ZNF462: variants seen among roughly 807,000 people sequenced by gnomAD.
The protein encoded by ZNF462 is zinc finger protein 462, also known as zinc finger PBX1-interacting protein.
ZNF462 carries 10 observed loss-of-function variants against 201.9 expected under a neutral mutation model. The ratio of observed to expected loss-of-function variants is 0.05; its 90% CI spans 0.03 to 0.08. The LOEUF (loss-of-function observed/expected upper bound fraction) is 0.08, where lower values mean the gene tolerates loss of function less well. Ranked by LOEUF, ZNF462 falls within the 10% of genes least tolerant of loss-of-function variation. The probability of loss-of-function intolerance (pLI) is 1.00; values close to 1 mark genes in which losing one functional copy is unlikely to be tolerated. For synonymous variants in ZNF462, 1,227 were observed against 1,193.3 expected (o/e 1.03, Z -0.58); for missense variants, 2,523 against 3,168.3 (o/e 0.80, Z 4.89).
intron 1 of ZNF462, among the ~76,000 whole-genome samples, chr9:106,914,781 A>C (rs1260866204): frequency 6.6e-6 from 1 of 152,114 alleles, no homozygotes; most frequent in East Asian, 1.9e-4. Context: ...GGTAGAGAGA[A>C]ACTGTGTGTG....
intron 7 of ZNF462, among the ~76,000 whole-genome samples, chr9:106,951,569 C>G (rs1368718132): frequency 6.6e-6 from 1 of 152,200 alleles, no homozygotes; most frequent in Non-Finnish European, 1.5e-5. Flanking sequence ...TCTACTGGGA[C>G]TGGCCATATA....
chr9:106,892,718 A>G (rs1828640830), intron 1 of ZNF462, among the ~76,000 whole-genome samples: 1 of 150,376 alleles, frequency 6.6e-6, no homozygotes. Context: ...ACACACACAC[A>G]CACACACATG....
intron 10 of ZNF462, among the ~76,000 whole-genome samples, chr9:106,985,332 T>G (rs575098094): frequency 6.6e-6 from 1 of 152,098 alleles, no homozygotes; most frequent in African/African-American, 2.4e-5. Flanking sequence ...TTGTAAAATA[T>G]ATGTTTTGGG....
At chr9:106,965,325 A>G (rs1162637306) in intron 7 of ZNF462, among the ~76,000 whole-genome samples, 4 of 151,254 alleles carry the variant, frequency 2.6e-5, no homozygotes, top group African/African-American at 9.8e-5. Context: ...CTCTTGAGCA[A>G]TAGGGCACAC....
chr9:106,976,895 G>A (rs77123571), intron 9 of ZNF462, among the ~76,000 whole-genome samples: 3,356 of 152,246 alleles, frequency 0.022, 138 homozygotes, highest in African/African-American at 0.075. Flanking sequence ...TGTCTAGTAA[G>A]TAATCCAGCT....
chr9:106,932,439 C>T lies in ZNF462; in HGVS notation c.6013-7C>T. The T allele has an allele frequency of 4.3e-6, 7 of 1,614,228 alleles. No homozygotes were observed. Among genetic ancestry groups the T allele is most frequent in the Non-Finnish European group, 5.9e-6 (7 of 1,180,042 alleles). ...GTCAATGTGACAGAGTCCTGATGTC[C>T]ATGCAGGGGCTGCGTTCTCATGAGA... is the stretch of plus-strand genomic sequence containing the variant. On this transcript the variant is annotated splice_region_variant and splice_polypyrimidine_tract_variant and intron_variant, in intron 4 of 12. Coordinates refer to ENST00000277225, the MANE Select transcript of ZNF462 (RefSeq NM_021224.6). This position sits in a 1 kb window ranked among gnomAD's most constrained non-coding sequence, Gnocchi z 6.8.
At position 107,005,849 on chromosome 9, in the gene ZNF462, C is replaced by A. The variant is rs577321017; in HGVS notation, c.7189+2423C>A. 6.6e-6 allele frequency among the ~76,000 whole-genome samples: 1 copy of A among 152,116 alleles called. No homozygotes were observed. Among genetic ancestry groups the A allele is most frequent in the Non-Finnish European group, 1.5e-5 (1 of 68,006 alleles). On this transcript the variant is annotated intron_variant, in intron 11 of 12. Transcript: ENST00000277225. This position sits in a 1 kb window ranked among gnomAD's most constrained non-coding sequence, Gnocchi z 4.4. Reference sequence around the variant, plus strand: ...TTCAAGTTTTTAATTCATTTTGAGACGATTTTTGTATCTGGTGTGAGATAA... The same window carrying A: ...TTCAAGTTTTTAATTCATTTTGAGAAGATTTTTGTATCTGGTGTGAGATAA...
At chr9:106,946,316 C>T (rs1296154479) in intron 7 of ZNF462, among the ~76,000 whole-genome samples, 1 of 152,156 alleles carries the variant, frequency 6.6e-6, no homozygotes, top group Admixed American at 6.5e-5. Context: ...ATATGTCAGT[C>T]ATTAGCTGAA....
At position 106,883,694 on chromosome 9, in the gene ZNF462, C is replaced by T. The variant is rs1021201984; in HGVS notation, c.-31+20339C>T. On this transcript the variant is annotated intron_variant, in intron 1 of 12. Transcript: ENST00000277225. This position sits in a 1 kb window ranked among gnomAD's most constrained non-coding sequence, Gnocchi z 4.9. ...TATTGTAAACAGGGGATTAGTAAAT[C>T]TTTTCCTCTGAAGTTTGGATGCGGT... Among the ~76,000 whole-genome samples the T allele has an allele frequency of 1.3e-5, 2 of 152,200 alleles. No homozygotes were observed. The highest frequency in any genetic ancestry group is 4.8e-5 in the African/African-American group (2 of 41,460).
At chr9:106,866,562 TA>T (rs1213178553) in intron 1 of ZNF462, among the ~76,000 whole-genome samples, 2 of 152,220 alleles carry the variant, frequency 1.3e-5, no homozygotes, top group East Asian at 3.8e-4. Flanking sequence ...TATGCTTATT[TA>T]AAAATACTTC....
chr9:106,938,461 T>C lies in ZNF462; in HGVS notation c.6236-455T>C, dbSNP rs1376546489. Among the ~76,000 whole-genome samples, 2 of 152,198 alleles carry C rather than the reference T, an allele frequency of 1.3e-5. No homozygotes were observed. Among genetic ancestry groups the C allele is most frequent in the African/African-American group, 4.8e-5 (2 of 41,450 alleles). On this transcript the variant is annotated intron_variant, in intron 6 of 12. Coordinates refer to ENST00000277225, the MANE Select transcript of ZNF462 (RefSeq NM_021224.6). This position sits in a 1 kb window ranked among gnomAD's most constrained non-coding sequence, Gnocchi z 4.4. Reference sequence around the variant, plus strand: ...ACAACAGAGCTTGCACTGAATGACTTTGTGATTAAAAAGCCACTAATAGAT... The same window carrying C: ...ACAACAGAGCTTGCACTGAATGACTCTGTGATTAAAAAGCCACTAATAGAT...
chr9:106,946,750 C>A (rs1343323687), intron 7 of ZNF462, among the ~76,000 whole-genome samples: 1 of 152,070 alleles, frequency 6.6e-6, no homozygotes, highest in Admixed American at 6.5e-5. Context: ...AAGAGGATCT[C>A]TTGAGGCCAG....
chr9:106,902,871 C>T lies in ZNF462; in HGVS notation c.-30-20483C>T, dbSNP rs549138318. Among the ~76,000 whole-genome samples, 12 of 152,102 alleles carry T rather than the reference C, an allele frequency of 7.9e-5. No homozygotes were observed. The highest frequency in any genetic ancestry group is 1.9e-4 in the East Asian group (1 of 5,180). On this transcript the variant is annotated intron_variant, in intron 1 of 12. Transcript: ENST00000277225. This position sits in a 1 kb window ranked among gnomAD's most constrained non-coding sequence, Gnocchi z 4.2. ...CAATTTTATTTATCTTCTCAAAGAACCAGCTTTTGTTTCATTTATCTTTTG... is the reference window on the plus strand; with the variant it reads ...CAATTTTATTTATCTTCTCAAAGAATCAGCTTTTGTTTCATTTATCTTTTG...
Position 107,005,122 on chromosome 9 carries a change from A to G in ZNF462, c.7189+1696A>G, listed in dbSNP as rs563001594. Among the ~76,000 whole-genome samples the G allele has an allele frequency of 6.6e-6, 1 of 152,234 alleles. No individual in the cohort carries two copies. Among genetic ancestry groups the G allele is most frequent in the African/African-American group, 2.4e-5 (1 of 41,552 alleles). ...TCTTTATCCATTCATTTATTGATGGACACCTAGCTTGATTACTTATCTTGG... is the reference window on the plus strand; with the variant it reads ...TCTTTATCCATTCATTTATTGATGGGCACCTAGCTTGATTACTTATCTTGG... On this transcript the variant is annotated intron_variant, in intron 11 of 12. Transcript: ENST00000277225. This position sits in a 1 kb window ranked among gnomAD's most constrained non-coding sequence, Gnocchi z 4.4.
At chr9:106,873,847 G>A (rs1055260734) in intron 1 of ZNF462, among the ~76,000 whole-genome samples, 1 of 152,142 alleles carries the variant, frequency 6.6e-6, no homozygotes, top group Non-Finnish European at 1.5e-5. Context: ...ATGGTGGTTG[G>A]ACATTAGTTG....
chr9:106,899,284 C>T (rs1418644263), intron 1 of ZNF462, among the ~76,000 whole-genome samples: 3 of 149,332 alleles, frequency 2.0e-5, no homozygotes, highest in Non-Finnish European at 4.4e-5. Flanking sequence ...GTTTTCTCCC[C>T]TAGATGGGTG....
At chr9:106,867,679 C>G (rs73667302) in intron 1 of ZNF462, among the ~76,000 whole-genome samples, 2 of 151,900 alleles carry the variant, frequency 1.3e-5, no homozygotes, top group African/African-American at 4.8e-5. Context: ...TACTTGTGGT[C>G]GGTTTTCCTG....
chr9:106,952,668 G>A (rs751909240), intron 7 of ZNF462, among the ~76,000 whole-genome samples: 1 of 152,196 alleles, frequency 6.6e-6, no homozygotes, highest in Non-Finnish European at 1.5e-5. Flanking sequence ...GAGTCCCAGT[G>A]TTAGACATCA....
chr9:106,879,733 A>G (rs1296463450), intron 1 of ZNF462, among the ~76,000 whole-genome samples: 1 of 152,170 alleles, frequency 6.6e-6, no homozygotes, highest in Non-Finnish European at 1.5e-5. Context: ...TAGCAATTAT[A>G]TAATTGCTAT....
Sources: allele counts gnomAD v4.1 joint callset (sites outside exome capture counted in the v4.1 genomes callset), GRCh38; gene constraint gnomAD v4.1.1; non-coding constraint Gnocchi (gnomAD v3.1); transcripts MANE v1.5; gene names NCBI Gene and HGNC (gene_info 2026-07-23, HGNC 2026-07-21).